The following FGGY variants were observed in gnomAD, a reference collection of about 807,000 sequenced individuals.
The protein encoded by FGGY is FGGY carbohydrate kinase domain containing.
In FGGY, 72 loss-of-function variants were observed where a neutral mutation model predicts 71.3. The ratio of observed to expected loss-of-function variants is 1.01; its 90% CI spans 0.84 to 1.23. The LOEUF (loss-of-function observed/expected upper bound fraction) is 1.23. Ranked by LOEUF, FGGY falls within the 50% of genes most tolerant of loss-of-function variation. The pLI, the probability that FGGY is intolerant of heterozygous loss-of-function variation, is 0.00. For synonymous variants in FGGY, 251 were observed against 250.3 expected, an observed-to-expected ratio of 1.00 and a Z score of -0.02; for missense variants, 668 against 682.3, an observed-to-expected ratio of 0.98 and a Z score of 0.23.
At position 59,506,666 on chromosome 1, in the gene FGGY, G is replaced by A. The variant is rs188927954; in HGVS notation, c.671-5645G>A. Among the ~76,000 whole-genome samples, 402 of 152,268 alleles carry A rather than the reference G, an allele frequency of 2.6e-3. 1 individual carries two copies. The highest frequency in any genetic ancestry group is 7.3e-3 in the Admixed American group (112 of 15,294). On this transcript the variant is annotated intron_variant, in intron 6 of 15. Coordinates refer to ENST00000303721, the MANE Select transcript of FGGY (RefSeq NM_018291.5). ...ATACAAAAATTAGCCAGCCGTGCTGGCGTGTGCCCGTAGTCCCAGCAACTT... is the reference window on the plus strand; with the variant it reads ...ATACAAAAATTAGCCAGCCGTGCTGACGTGTGCCCGTAGTCCCAGCAACTT...
chr1:59,737,928 C>T (rs1024244627), intron 14 of FGGY, among the ~76,000 whole-genome samples: 3 of 152,100 alleles, frequency 2.0e-5, no homozygotes, highest in Non-Finnish European at 2.9e-5. Context: ...GGGAGGGACC[C>T]AGTGGGAAGT....
At chr1:59,495,313 T>C (rs2093997732) in intron 6 of FGGY, among the ~76,000 whole-genome samples, 1 of 152,180 alleles carries the variant, frequency 6.6e-6, no homozygotes, top group Admixed American at 6.5e-5. Context: ...TTTCTTTTGC[T>C]GTGTGGAAGC....
chr1:59,541,818 C>A (rs2095443965), intron 7 of FGGY, among the ~76,000 whole-genome samples: 1 of 152,110 alleles, frequency 6.6e-6, no homozygotes, highest in Admixed American at 6.5e-5. Context: ...ATTTCTGGAG[C>A]CAGACTACCT....
chr1:59,535,380 A>G (rs1309426980), intron 7 of FGGY, among the ~76,000 whole-genome samples: 1 of 152,164 alleles, frequency 6.6e-6, no homozygotes, highest in Non-Finnish European at 1.5e-5. Flanking sequence ...CACATTAATA[A>G]TGGGAGACTT....
At chr1:59,674,786 C>T (rs4512673) in intron 14 of FGGY, among the ~76,000 whole-genome samples, 124,893 of 152,176 alleles carry the variant, frequency 0.82, 51,423 homozygotes, top group Middle Eastern at 0.92. Flanking sequence ...TGCGAAAGAC[C>T]TTGCACACAT....
At chr1:59,303,452 A>G (rs1046968598) in intron 1 of FGGY, among the ~76,000 whole-genome samples, 3 of 152,220 alleles carry the variant, frequency 2.0e-5, no homozygotes, top group African/African-American at 4.8e-5. Flanking sequence ...AAGACTGAAT[A>G]ATATTCCATT....
At chr1:59,297,459 G>C (rs1266474758) in intron 1 of FGGY, among the ~76,000 whole-genome samples, 2 of 152,190 alleles carry the variant, frequency 1.3e-5, no homozygotes, top group Non-Finnish European at 2.9e-5. Context: ...AATGCTGTTT[G>C]GTTACAGTTA....
intron 14 of FGGY, chr1:59,699,323 C>T (rs983531739): frequency 1.0e-6 from 1 of 984,702 alleles, no homozygotes; most frequent in Non-Finnish European, 1.2e-6. Context: ...TTTGTAGCTT[C>T]TGTATTAAAT....
intron 12 of FGGY, among the ~76,000 whole-genome samples, chr1:59,661,570 A>G (rs2097273892): frequency 6.6e-6 from 1 of 152,236 alleles, no homozygotes; most frequent in South Asian, 2.1e-4. Flanking sequence ...AATGTAGGAA[A>G]TGAACAGTAA....
At chr1:59,649,230 C>T (rs1188161441) in intron 11 of FGGY, among the ~76,000 whole-genome samples, 3 of 146,332 alleles carry the variant, frequency 2.1e-5, no homozygotes, top group Non-Finnish European at 3.0e-5. Context: ...CTTGGCAATG[C>T]GGGCTCTTTT....
chr1:59,733,005 C>T (rs2098055342), intron 14 of FGGY, among the ~76,000 whole-genome samples: 1 of 152,062 alleles, frequency 6.6e-6, no homozygotes, highest in African/African-American at 2.4e-5. Context: ...GACTTTCTCT[C>T]CTGGAGCCAG....
At chr1:59,453,185 A>C (rs978207241) in intron 5 of FGGY, among the ~76,000 whole-genome samples, 4 of 152,194 alleles carry the variant, frequency 2.6e-5, no homozygotes, top group African/African-American at 9.7e-5. Context: ...AGTTTGATTT[A>C]AAGAAACTCA....
In FGGY at chr1:59,674,185, C is replaced by A. The variant is rs369783571; in HGVS notation, c.1512+52C>A. On this transcript the variant is annotated intron_variant, in intron 14 of 15. Coordinates refer to ENST00000303721, the MANE Select transcript of FGGY (RefSeq NM_018291.5). ...TGGCTCCTCCCCTGTCTGAGGCCAT[C>A]CTTCCTCTTGACAGCAGCTCGCATT... The A allele has an allele frequency of 8.5e-6, 12 of 1,404,130 alleles. No individual in the cohort carries two copies. In the African/African-American group the frequency reaches 1.1e-4, roughly 13 times the overall value. The allele number at this position is 1,404,130 out of a possible 1,614,324, so 87.0% of individuals were successfully genotyped here.
intron 6 of FGGY, among the ~76,000 whole-genome samples, chr1:59,468,498 T>C (rs2092764287): frequency 6.6e-6 from 1 of 152,180 alleles, no homozygotes; most frequent in Non-Finnish European, 1.5e-5. Context: ...GGCATTTCAC[T>C]TTTTCATAGA....
chr1:59,371,445 C>A (rs1268964346), intron 4 of FGGY, among the ~76,000 whole-genome samples: 1 of 152,132 alleles, frequency 6.6e-6, no homozygotes, highest in Non-Finnish European at 1.5e-5. Flanking sequence ...TAGACTCCCA[C>A]ACATTAATAA....
intron 14 of FGGY, among the ~76,000 whole-genome samples, chr1:59,675,902 G>A (rs945049348): frequency 1.3e-5 from 2 of 152,140 alleles, no homozygotes; most frequent in African/African-American, 2.4e-5. Context: ...ATGAAATCAT[G>A]AGGGCAGGAG....
chr1:59,478,309 G>T (rs940745614), intron 6 of FGGY, among the ~76,000 whole-genome samples: 4 of 152,094 alleles, frequency 2.6e-5, no homozygotes, highest in Non-Finnish European at 5.9e-5. Flanking sequence ...CACCCCTTTG[G>T]TTGCTTGAGA....
At chr1:59,671,121 T>C (rs999824884) in intron 13 of FGGY, among the ~76,000 whole-genome samples, 1 of 152,350 alleles carries the variant, frequency 6.6e-6, no homozygotes, top group South Asian at 2.1e-4. Flanking sequence ...AGAACAGTAA[T>C]GTCCAGCCAA....
At chr1:59,546,532 G>GATTATTATTATTATT (rs1214052314) in intron 7 of FGGY, among the ~76,000 whole-genome samples, 4 of 102,130 alleles carry the variant, frequency 3.9e-5, no homozygotes, top group African/African-American at 1.6e-4. Context: ...TGATGATGAT[G>GATTATTATTATTATT]ATGATTATTA....
Sources: gnomAD v4.1 joint callset for allele counts (sites outside exome capture counted in the v4.1 genomes callset) on GRCh38, gnomAD v4.1.1 for gene constraint, MANE v1.5 for transcripts, NCBI Gene and HGNC (gene_info 2026-07-23, HGNC 2026-07-21) for gene names.